Variants in OBI1 observed in about 807,000 individuals in gnomAD.
OBI1 encodes the protein ORC ubiquitin ligase 1.
A neutral mutation model predicts 62.4 loss-of-function variants in OBI1; 59 were observed. The ratio of observed to expected loss-of-function variants is 0.95; its 90% CI spans 0.77 to 1.17. The LOEUF (loss-of-function observed/expected upper bound fraction) is 1.17, where lower values mean the gene tolerates loss of function less well. Ranked by LOEUF, OBI1 falls within the 50% of genes most tolerant of loss-of-function variation. The pLI, the probability that OBI1 is intolerant of heterozygous loss-of-function variation, is 0.00. For synonymous variants in OBI1, 302 were observed against 292.8 expected (o/e 1.03, Z -0.32); for missense variants, 875 against 830.9 (o/e 1.05, Z -0.65).
chr13:78,623,295 A>T (rs1875568277), intron 5 of OBI1, among the ~76,000 whole-genome samples: 1 of 150,846 alleles, frequency 6.6e-6, no homozygotes, highest in South Asian at 2.1e-4. Flanking sequence ...AAGGAAAGTG[A>T]ACTTTTGGCT....
chr13:78,637,729 C>T (rs949498909), intron 4 of OBI1, among the ~76,000 whole-genome samples: 5 of 152,204 alleles, frequency 3.3e-5, no homozygotes, highest in Non-Finnish European at 7.3e-5. Context: ...GCACTTCTCC[C>T]TCCTACACAC....
chr13:78,655,319 C>T (rs1471395336), intron 1 of OBI1, among the ~76,000 whole-genome samples: 2 of 141,302 alleles, frequency 1.4e-5, no homozygotes, highest in African/African-American at 5.3e-5. Context: ...TGCTTGCTGG[C>T]CCACTAGTTT....
chr13:78,654,029 GAAA>G (rs11421042), intron 1 of OBI1, among the ~76,000 whole-genome samples: 9 of 133,568 alleles, frequency 6.7e-5, no homozygotes, highest in South Asian at 2.4e-4. Flanking sequence ...ATAACTTAAG[GAAA>G]AAAAAAAAAA....
At chr13:78,656,792 A>ATTTTTTT (rs869148028) in intron 1 of OBI1, among the ~76,000 whole-genome samples, 4 of 67,174 alleles carry the variant, frequency 6.0e-5, no homozygotes, top group African/African-American at 1.3e-4. Flanking sequence ...TTTATTTTTA[A>ATTTTTTT]TTTTTTTTTT....
Position 78,616,208 on chromosome 13 carries a change from T to C in OBI1, c.1553A>G (p.Glu518Gly). 6.2e-7 allele frequency: 1 copy of C among 1,614,114 alleles called. No individual in the cohort carries two copies. The highest frequency in any genetic ancestry group is 8.5e-7 in the Non-Finnish European group (1 of 1,180,006). The change falls in exon 6 of 6, where the codon GAA (glutamate) becomes GGA (glycine). Residue 518 changes from glutamate to glycine, a missense_variant. Transcript: ENST00000282003. ...SKRLNSIRSF[E>G]MNRTRTSSEA... ...ACTGGATGTTCTTGTCCGGTTCATT[T>C]CAAAAGAGCGAATAGAATTCAACCT... is the stretch of plus-strand genomic sequence containing the variant.
intron 5 of OBI1, among the ~76,000 whole-genome samples, chr13:78,630,110 A>C (rs1414755650): frequency 6.6e-6 from 1 of 152,092 alleles, no homozygotes; most frequent in African/African-American, 2.4e-5. Context: ...TTTGATAAAG[A>C]TCTTCCTTAT....
chr13:78,635,452 A>C (rs1310796718), intron 4 of OBI1, among the ~76,000 whole-genome samples: 2 of 152,244 alleles, frequency 1.3e-5, no homozygotes, highest in African/African-American at 4.8e-5. Context: ...TATGTTAGTT[A>C]GCTTAGAGTC....
chr13:78,653,069 A>G (rs983667953), intron 1 of OBI1, among the ~76,000 whole-genome samples: 1 of 152,176 alleles, frequency 6.6e-6, no homozygotes, highest in Non-Finnish European at 1.5e-5. Context: ...CTTTCTTAAA[A>G]AAGCAAGTAT....
chr13:78,657,990 G>A (rs1703095216), intron 1 of OBI1, among the ~76,000 whole-genome samples: 1 of 152,140 alleles, frequency 6.6e-6, no homozygotes, highest in African/African-American at 2.4e-5. Flanking sequence ...ATTTCATTCT[G>A]ACTGCTATCC....
In OBI1 at chr13:78,638,861, A is replaced by G. The variant is rs759508493; in HGVS notation, c.511T>C (p.Tyr171His). Residue 171 changes from tyrosine to histidine, a missense_variant, in exon 4 of 6, where the codon TAT (tyrosine) becomes CAT (histidine). By Grantham distance (83) the Tyr-to-His change is moderately conservative. Transcript: ENST00000282003. ...TCCACATCATCTTTCACTTTTTCAT[A>G]GATTTCATTAGCTGTTCTGAGTTTT... ...KKKLRTANEIYEKVKDDVDKL... is the reference protein window; with the variant it reads ...KKKLRTANEIHEKVKDDVDKL... 4 of 1,613,480 alleles carry G rather than the reference A, an allele frequency of 2.5e-6. No individual in the cohort carries two copies. In the East Asian group the frequency reaches 6.7e-5, roughly 27 times the overall value.
At chr13:78,656,302 AGCTGGGAGTGGTG>A (rs1425476156) in intron 1 of OBI1, among the ~76,000 whole-genome samples, 1 of 152,200 alleles carries the variant, frequency 6.6e-6, no homozygotes, top group Admixed American at 6.5e-5. Flanking sequence ...AAGTAACTTA[AGCTGGGAGTGGTG>A]GCTCACGCTT....
At chr13:78,627,283 C>T (rs888643023) in intron 5 of OBI1, among the ~76,000 whole-genome samples, 6 of 149,786 alleles carry the variant, frequency 4.0e-5, no homozygotes, top group East Asian at 2.0e-4. Flanking sequence ...ATTCCCCCAT[C>T]CCACCTCTAC....
chr13:78,618,348 C>T (rs964223983), intron 5 of OBI1, among the ~76,000 whole-genome samples: 1 of 151,382 alleles, frequency 6.6e-6, no homozygotes, highest in African/African-American at 2.4e-5. Flanking sequence ...CCTTTTTTCC[C>T]CTAATTTGAA....
In OBI1 at chr13:78,615,977, G is replaced by A. The variant is rs772630135; in HGVS notation, c.1784C>T (p.Ser595Phe). 6.2e-7 allele frequency: 1 copy of A among 1,613,992 alleles called. No individual in the cohort carries two copies. Among genetic ancestry groups the A allele is most frequent in the Non-Finnish European group, 8.5e-7 (1 of 1,179,984 alleles). ...ATTTTCTAACTGATCATTAGTTAGAGAACCTTTGGAAAGGTTTAGCTCAGT... is the reference window on the plus strand; with the variant it reads ...ATTTTCTAACTGATCATTAGTTAGAAAACCTTTGGAAAGGTTTAGCTCAGT... ...EKTELNLSKG[S>F]LTNDQLENGS... Residue 595 changes from serine (S) to phenylalanine (F), a missense_variant, in exon 6 of 6, where the codon TCT (serine) becomes TTT (phenylalanine). Ser to Phe is a radical substitution (Grantham distance 155, BLOSUM62 -2). Coordinates refer to ENST00000282003, the MANE Select transcript of OBI1 (RefSeq NM_024546.4).
intron 5 of OBI1, among the ~76,000 whole-genome samples, chr13:78,628,294 G>T (rs1875740072): frequency 6.6e-6 from 1 of 152,198 alleles, no homozygotes; most frequent in African/African-American, 2.4e-5. Context: ...TTAGTGTTCG[G>T]TCATATGGAG....
intron 4 of OBI1, among the ~76,000 whole-genome samples, chr13:78,636,577 G>A (rs1400072061): frequency 3.3e-5 from 5 of 152,046 alleles, no homozygotes; most frequent in African/African-American, 1.2e-4. Context: ...ATTATTTGGG[G>A]GCATAAAGTC....
chr13:78,651,107 G>GA lies in OBI1; in HGVS notation c.73-6111dup, dbSNP rs199969637. Among the ~76,000 whole-genome samples, 966 of 151,620 alleles carry GA rather than the reference G, an allele frequency of 6.4e-3. 17 individuals carry two copies. Among genetic ancestry groups the GA allele is most frequent in the African/African-American group, 0.022 (908 of 41,362 alleles). ...TCAGATTCCAGAGATGTTATAATTTGAAAAAAAATGTACATCTCAGAATAG... is the reference window on the plus strand; with the variant it reads ...TCAGATTCCAGAGATGTTATAATTTGAAAAAAAAATGTACATCTCAGAATAG... On this transcript the variant is annotated intron_variant, in intron 1 of 5. Coordinates refer to ENST00000282003, the MANE Select transcript of OBI1 (RefSeq NM_024546.4).
rs397851744 is a variant in OBI1 at position 78,656,729 on chromosome 13, TGGGGGG to T, written c.72+2314_72+2319del. 7.3e-4 allele frequency among the ~76,000 whole-genome samples: 15 copies of T among 20,578 alleles called. 2 individuals carry two copies. Among genetic ancestry groups the T allele is most frequent in the Admixed American group, 3.1e-3 (4 of 1,290 alleles). 13.5% of individuals were successfully genotyped at this position (20,578 alleles called of 152,430 possible). On this transcript the variant is annotated intron_variant, in intron 1 of 5. Transcript: ENST00000282003. The stretch of plus-strand genomic sequence containing the variant: ...ATATCCTTTCTGCTTCCATGGTACC[TGGGGGG>T]GGGGGGGGAGGAGCCTGTTTAAAAA...
chr13:78,622,314 C>A (rs930216650), intron 5 of OBI1, among the ~76,000 whole-genome samples: 1 of 152,034 alleles, frequency 6.6e-6, no homozygotes, highest in African/African-American at 2.4e-5. Flanking sequence ...CAGAAGCATG[C>A]GCCTGTAGTC....
Sources: gnomAD v4.1 joint callset for allele counts (sites outside exome capture counted in the v4.1 genomes callset) on GRCh38, gnomAD v4.1.1 for gene constraint, MANE v1.5 for transcripts, NCBI Gene and HGNC (gene_info 2026-07-23, HGNC 2026-07-21) for gene names.